DST: variants seen among roughly 807,000 people sequenced by gnomAD.
DST encodes the protein dystonin.
In DST, 253 loss-of-function variants were observed where a neutral mutation model predicts 875.2. The observed-to-expected ratio is 0.29, with a 90% CI of 0.26 to 0.32. DST has a LOEUF of 0.32. Among genes scored for constraint, DST ranks in the 10% least tolerant of loss-of-function variants. DST has a pLI of 1.00. For synonymous variants in DST, 3,124 were observed against 3,197.1 expected, an observed-to-expected ratio of 0.98 and a Z score of 0.77; for missense variants, 8,287 against 9,111.6, an observed-to-expected ratio of 0.91 and a Z score of 3.68.
intron 103 of DST, among the ~76,000 whole-genome samples, chr6:56,459,755 T>C (rs1181849132): frequency 6.6e-6 from 1 of 152,166 alleles, no homozygotes; most frequent in Non-Finnish European, 1.5e-5. Flanking sequence ...AGTAGGTTCA[T>C]TATTTTGCGA....
chr6:56,509,504 A>G (rs569139651), intron 74 of DST, 138 bp downstream of exon 74: 34 of 654,780 alleles, frequency 5.2e-5, no homozygotes, highest in Non-Finnish European at 7.9e-5. Context: ...TTGCATACAC[A>G]GCCCTTCAAC....
Position 56,463,589 on chromosome 6 carries a change from C to T in DST, c.22935G>A (p.Gln7645=). The T allele has an allele frequency of 6.2e-7, 1 of 1,601,136 alleles. No individual in the cohort carries two copies. ...SSQAAQAASP[Q]VPATTTPKIL... Reference sequence around the variant, plus strand: ...CCTTGGGTGTGGTGGTGGCAGGGACCTGTGGGGAGGCCGCCTGCGCAGCCT... The same window carrying T: ...CCTTGGGTGTGGTGGTGGCAGGGACTTGTGGGGAGGCCGCCTGCGCAGCCT... The change falls in exon 101 of 104, where the codon CAG becomes CAA. Residue 7645 remains glutamine, a synonymous_variant. Coordinates refer to ENST00000680361, the MANE Select transcript of DST (RefSeq NM_001374736.1).
rs375526863 is a variant in DST, at chr6:56,615,478, C to T, written c.4930-994G>A. Reference sequence around the variant, plus strand: ...ACTCTGAAAAAGTGGCATGAACCAGCCTGCATCACCCCTTGCACAGTTATT... The same window carrying T: ...ACTCTGAAAAAGTGGCATGAACCAGTCTGCATCACCCCTTGCACAGTTATT... On this transcript the variant is annotated intron_variant, in intron 36 of 103. Transcript: ENST00000680361. 7 of 1,613,188 alleles carry T rather than the reference C, an allele frequency of 4.3e-6. No individual in the cohort carries two copies. In the African/African-American group the frequency reaches 6.7e-5, roughly 15 times the overall value.
intron 36 of DST, chr6:56,615,815 A>G (rs773541199): frequency 1.9e-6 from 3 of 1,614,038 alleles, no homozygotes; most frequent in South Asian, 1.1e-5. Flanking sequence ...TCGGATTCCC[A>G]TTTCCTTATT....
intron 10 of DST, among the ~76,000 whole-genome samples, chr6:56,654,899 G>A (rs1341957053): frequency 6.6e-6 from 1 of 152,238 alleles, no homozygotes; most frequent in East Asian, 1.9e-4. Context: ...AGTGGCTCAT[G>A]CCTGTAATCC....
chr6:56,775,537 T>G, intron 4 of DST, among the ~76,000 whole-genome samples: 2 of 152,174 alleles, frequency 1.3e-5, no homozygotes. Context: ...GCTTAGATAT[T>G]GGTTTCTAAT....
chr6:56,485,143 A>G (rs1276271883), intron 88 of DST, 169 bp downstream of exon 88: 1 of 661,922 alleles, frequency 1.5e-6, no homozygotes, highest in South Asian at 2.3e-5. Flanking sequence ...TCACTTTTAA[A>G]GTTTGCTTCC....
intron 4 of DST, among the ~76,000 whole-genome samples, chr6:56,776,459 G>A (rs2099679386): frequency 6.6e-6 from 1 of 152,158 alleles, no homozygotes; most frequent in Non-Finnish European, 1.5e-5. Flanking sequence ...CATTAGTTAT[G>A]ATACATGTAC....
At chr6:56,603,125 T>TA (rs2098460813) in intron 42 of DST, 80 bp downstream of exon 42, 8 of 1,544,880 alleles carry the variant, frequency 5.2e-6, no homozygotes, top group Non-Finnish European at 7.0e-6. Flanking sequence ...ACTCTAAAAC[T>TA]AAAATACTCC....
In DST at chr6:56,555,546, G is replaced by T; in HGVS notation, c.14935C>A (p.His4979Asn). 6.2e-7 allele frequency: 1 copy of T among 1,613,980 alleles called. No individual in the cohort carries two copies. The highest frequency in any genetic ancestry group is 8.5e-7 in the Non-Finnish European group (1 of 1,179,884). The change falls in exon 60 of 104, where the codon CAC (histidine) becomes AAC (asparagine). Residue 4979 changes from histidine to asparagine, a missense_variant. His to Asn is a moderately conservative substitution (Grantham distance 68, BLOSUM62 1). Transcript: ENST00000680361. Reference protein sequence around the residue: ...KLSSSLAVSTHPDAMNQQLET... With the variant: ...KLSSSLAVSTNPDAMNQQLET... ...AACTGTTGGTTCATAGCATCAGGGT[G>T]CGTGCTCACAGCCAGACTGCTGCTG... is the stretch of plus-strand genomic sequence containing the variant.
chr6:56,528,299 A>G (rs2096836780), intron 67 of DST, among the ~76,000 whole-genome samples: 1 of 152,186 alleles, frequency 6.6e-6, no homozygotes, highest in Non-Finnish European at 1.5e-5. Context: ...ACATACACAT[A>G]TTGCTGAACT....
chr6:56,926,570 T>C (rs979834595), intron 2 of DST, among the ~76,000 whole-genome samples: 2 of 152,152 alleles, frequency 1.3e-5, no homozygotes, highest in Non-Finnish European at 2.9e-5. Flanking sequence ...AAAGACCTGC[T>C]GGTCAGAGAG....
chr6:56,731,716 G>T (rs1002652076), intron 5 of DST, among the ~76,000 whole-genome samples: 2 of 152,172 alleles, frequency 1.3e-5, no homozygotes, highest in Non-Finnish European at 2.9e-5. Context: ...TGATGAACAT[G>T]TAGGTCATTT....
intron 5 of DST, among the ~76,000 whole-genome samples, chr6:56,704,810 C>T (rs1222415403): frequency 1.3e-5 from 2 of 152,128 alleles, no homozygotes; most frequent in Non-Finnish European, 1.5e-5. Flanking sequence ...AATCCATAGA[C>T]GTGAGCTGGG....
At position 56,605,944 on chromosome 6, in the gene DST, A is replaced by G; in HGVS notation, c.8684T>C (p.Leu2895Pro). ...ENNLVTEKSN[L>P]PEYTTEIAGK... ...AGCAATCTCAGTTGTATATTCTGGA[A>G]GGTTGCTTTTTTCAGTAACTAAGTT... The change falls in exon 40 of 104, where the codon CTT (leucine) becomes CCT (proline). Residue 2895 changes from leucine (L) to proline (P), a missense_variant. This residue lies in a region of DST where 3,138 missense variants were observed against 3,116.6 expected (regional missense o/e 1.01). Coordinates refer to ENST00000680361, the MANE Select transcript of DST (RefSeq NM_001374736.1). 6.2e-7 allele frequency: 1 copy of G among 1,612,864 alleles called. No homozygotes were observed. The highest frequency in any genetic ancestry group is 8.5e-7 in the Non-Finnish European group (1 of 1,179,464).
chr6:56,511,893 AG>A (rs1307251347), intron 72 of DST, among the ~76,000 whole-genome samples: 2 of 152,174 alleles, frequency 1.3e-5, no homozygotes, highest in Non-Finnish European at 2.9e-5. Flanking sequence ...AAAAAAGAAT[AG>A]AAAGAAGCTC....
chr6:56,616,770 T>A (rs770960939), intron 36 of DST: 2 of 1,614,200 alleles, frequency 1.2e-6, no homozygotes, highest in Non-Finnish European at 1.7e-6. Context: ...AGCATTCTAT[T>A]TTCCATAGCT....
chr6:56,562,289 A>G (rs1026340833), intron 55 of DST, 89 bp from the exon 56 acceptor site: 15 of 586,596 alleles, frequency 2.6e-5, no homozygotes, highest in Non-Finnish European at 2.9e-5. Context: ...CCCCATCAAC[A>G]GTAATCACAC....
At chr6:56,761,711 A>T (rs1564046122) in intron 4 of DST, among the ~76,000 whole-genome samples, 1 of 152,172 alleles carries the variant, frequency 6.6e-6, no homozygotes, top group Admixed American at 6.5e-5. Flanking sequence ...TATTAAAAAA[A>T]AAAAATAAGC....
Sources: allele counts gnomAD v4.1 joint callset (sites outside exome capture counted in the v4.1 genomes callset), GRCh38; gene constraint gnomAD v4.1.1; regional missense constraint gnomAD v4.1.1; transcripts MANE v1.5; gene names NCBI Gene and HGNC (gene_info 2026-07-23, HGNC 2026-07-21).